The following CMIP variants were observed in gnomAD, a reference collection of about 807,000 sequenced individuals.
CMIP encodes C-Maf-inducing protein.
A neutral mutation model predicts 97.3 loss-of-function variants in CMIP; 13 were observed. That is an observed-to-expected ratio of 0.13 (90% CI 0.09 to 0.21). The LOEUF is 0.21. CMIP is among the 10% of genes least tolerant of loss of function. The pLI, the probability that CMIP is intolerant of heterozygous loss-of-function variation, is 1.00. For missense variants in CMIP, 847 were observed against 1,024.9 expected (o/e 0.83, Z 2.37); for synonymous variants, 538 against 436.3 (o/e 1.23, Z -2.91).
chr16:81,642,398 T>C (rs759951061), intron 3 of CMIP, among the ~76,000 whole-genome samples: 5 of 152,120 alleles, frequency 3.3e-5, no homozygotes, highest in South Asian at 2.1e-4. Context: ...AGGGTAAGCA[T>C]TGATTAATTC....
chr16:81,636,852 C>T (rs1189270260), intron 3 of CMIP, among the ~76,000 whole-genome samples: 1 of 140,114 alleles, frequency 7.1e-6, no homozygotes, highest in Non-Finnish European at 1.6e-5. Flanking sequence ...CCCCACCCCC[C>T]ACCCCCTGAA....
At chr16:81,586,176 A>T (rs774769651) in intron 1 of CMIP, among the ~76,000 whole-genome samples, 2 of 151,916 alleles carry the variant, frequency 1.3e-5, no homozygotes, top group African/African-American at 4.8e-5. Context: ...CCCCACACCT[A>T]CCTTCTGTCA....
chr16:81,658,156 T>C (rs1163893486), intron 5 of CMIP, among the ~76,000 whole-genome samples: 1 of 152,198 alleles, frequency 6.6e-6, no homozygotes, highest in Non-Finnish European at 1.5e-5. Context: ...AGCTGAAAGG[T>C]AAACGTTCTC....
At chr16:81,566,468 C>T (rs1261398028) in intron 1 of CMIP, among the ~76,000 whole-genome samples, 2 of 152,332 alleles carry the variant, frequency 1.3e-5, no homozygotes, top group African/African-American at 4.8e-5. Context: ...GGTCATGGAG[C>T]TGGAGCCACG....
chr16:81,515,574 A>C (rs1259852034), intron 1 of CMIP, among the ~76,000 whole-genome samples: 2 of 152,190 alleles, frequency 1.3e-5, no homozygotes, highest in Admixed American at 1.3e-4. Flanking sequence ...AGCATCGTTA[A>C]GTGGCCATCA....
intron 1 of CMIP, among the ~76,000 whole-genome samples, chr16:81,548,047 T>G (rs1475146526): frequency 2.6e-5 from 4 of 152,044 alleles, no homozygotes; most frequent in African/African-American, 9.7e-5. Flanking sequence ...GGCATTTATC[T>G]AGGGCTTACC....
intron 1 of CMIP, among the ~76,000 whole-genome samples, chr16:81,559,059 CT>C (rs1365702421): frequency 2.0e-5 from 3 of 152,360 alleles, no homozygotes; most frequent in African/African-American, 7.2e-5. Flanking sequence ...CTGGGCGCCC[CT>C]CCTGCCGCCC....
rs535336287 is a variant in CMIP at position 81,702,818 on chromosome 16, C to T, written c.1944+149C>T. ...CCTAGTACTTAACACGCCAGCTCTTCCAGGAGGTAGCTGGGTTACAGGAAG... is the reference window on the plus strand; with the variant it reads ...CCTAGTACTTAACACGCCAGCTCTTTCAGGAGGTAGCTGGGTTACAGGAAG... On this transcript the variant is annotated intron_variant, in intron 17 of 20. Transcript: ENST00000537098. 1.4e-4 allele frequency: 98 copies of T among 682,656 alleles called. 1 individual carries two copies. The African/African-American group carries it at 1.7e-3, about 12-fold the overall frequency. The allele number at this position is 682,656 out of a possible 1,614,324, so 42.3% of individuals were successfully genotyped here.
intron 1 of CMIP, among the ~76,000 whole-genome samples, chr16:81,535,421 G>T (rs1271335088): frequency 6.7e-6 from 1 of 149,580 alleles, no homozygotes; most frequent in African/African-American, 2.5e-5. Context: ...ATGCTTCCCT[G>T]TGCTTCTTTC....
rs2091881611 is a variant in CMIP, at chr16:81,614,526, A to G, written c.427-6350A>G. On this transcript the variant is annotated intron_variant, in intron 2 of 20. Transcript: ENST00000537098. The surrounding 1 kb of genome is among the most constrained non-coding windows in gnomAD (Gnocchi z 5.3). ...CAGCAAGTCTGGGTGTGTGTGTGGTATATGCATTGGTTTCCCCAGTGGAAA... is the reference window on the plus strand; with the variant it reads ...CAGCAAGTCTGGGTGTGTGTGTGGTGTATGCATTGGTTTCCCCAGTGGAAA... Among the ~76,000 whole-genome samples, 2 of 152,034 alleles carry G rather than the reference A, an allele frequency of 1.3e-5. No individual in the cohort carries two copies. Among genetic ancestry groups the G allele is most frequent in the Admixed American group, 6.5e-5 (1 of 15,276 alleles).
intron 2 of CMIP, among the ~76,000 whole-genome samples, chr16:81,612,974 G>A (rs763953400): frequency 2.6e-5 from 4 of 152,200 alleles, no homozygotes; most frequent in African/African-American, 4.8e-5. Context: ...CTGCACAGAA[G>A]CGTGACCCTT....
At chr16:81,551,903 G>A (rs1244038599) in intron 1 of CMIP, among the ~76,000 whole-genome samples, 4 of 152,204 alleles carry the variant, frequency 2.6e-5, no homozygotes, top group East Asian at 1.9e-4. Flanking sequence ...AGACTCCCCG[G>A]TCCAGGGACT....
At chr16:81,607,518 C>T (rs772895283) in intron 1 of CMIP, 49 bp from the exon 2 acceptor site, 3 of 1,601,680 alleles carry the variant, frequency 1.9e-6, no homozygotes, top group South Asian at 1.1e-5. Flanking sequence ...GACGTCATGC[C>T]TGCTACTGTA....
chr16:81,670,953 C>G (rs1470974866), intron 8 of CMIP, among the ~76,000 whole-genome samples: 1 of 152,116 alleles, frequency 6.6e-6, no homozygotes, highest in African/African-American at 2.4e-5. Flanking sequence ...CTCAGCCTCC[C>G]AAGTAGCTGG....
At chr16:81,587,469 C>T (rs1346370827) in intron 1 of CMIP, among the ~76,000 whole-genome samples, 1 of 152,218 alleles carries the variant, frequency 6.6e-6, no homozygotes, top group African/African-American at 2.4e-5. Flanking sequence ...TCAGCCAGAG[C>T]CACCACAAAG....
intron 1 of CMIP, among the ~76,000 whole-genome samples, chr16:81,602,680 C>G (rs1178471316): frequency 3.3e-5 from 5 of 152,220 alleles, no homozygotes; most frequent in Admixed American, 3.3e-4. Context: ...TACAGTATGC[C>G]TTACACTGCT....
At chr16:81,473,209 A>T (rs1907666197) in intron 1 of CMIP, among the ~76,000 whole-genome samples, 1 of 152,204 alleles carries the variant, frequency 6.6e-6, no homozygotes. Context: ...CTGTCTCTGC[A>T]GGACGACGTG....
At chr16:81,560,337 G>T (rs886143861) in intron 1 of CMIP, among the ~76,000 whole-genome samples, 14 of 151,282 alleles carry the variant, frequency 9.3e-5, no homozygotes, top group Admixed American at 3.3e-4. Flanking sequence ...TCCTGCCTCA[G>T]CCTCCCCAGT....
intron 1 of CMIP, among the ~76,000 whole-genome samples, chr16:81,493,308 GC>G: frequency 6.6e-6 from 1 of 152,186 alleles, no homozygotes; most frequent in Admixed American, 6.5e-5. Flanking sequence ...GGGTTATTGT[GC>G]CCAGGTGCAC....
Sources: allele counts gnomAD v4.1 joint callset (sites outside exome capture counted in the v4.1 genomes callset), GRCh38; gene constraint gnomAD v4.1.1; non-coding constraint Gnocchi (gnomAD v3.1); transcripts MANE v1.5; gene names NCBI Gene and HGNC (gene_info 2026-07-23, HGNC 2026-07-21).